Variants in ADAM28 observed in about 807,000 individuals in gnomAD.
ADAM28 encodes disintegrin and metalloproteinase domain-containing protein 28.
ADAM28 carries 105 observed loss-of-function variants against 101.2 expected under a neutral mutation model. The observed-to-expected ratio is 1.04, with a 90% CI of 0.89 to 1.22. The LOEUF is 1.22. Ranked by LOEUF, ADAM28 falls within the 50% of genes most tolerant of loss-of-function variation. The pLI is 0.00. For missense variants in ADAM28, 1,028 were observed against 945.4 expected, an observed-to-expected ratio of 1.09 and a Z score of -1.15; for synonymous variants, 322 against 310.6, an observed-to-expected ratio of 1.04 and a Z score of -0.39.
At chr8:24,305,027 C>T (rs1365094818) in intron 2 of ADAM28, among the ~76,000 whole-genome samples, 1 of 151,830 alleles carries the variant, frequency 6.6e-6, no homozygotes, top group African/African-American at 2.4e-5. Flanking sequence ...AGTTAATAAA[C>T]CTTTATTTTA....
intron 6 of ADAM28, among the ~76,000 whole-genome samples, chr8:24,317,017 T>C (rs7829443): frequency 0.18 from 27,522 of 151,832 alleles, 2,676 homozygotes; most frequent in East Asian, 0.34. Flanking sequence ...AAGACCTGTA[T>C]ACCGAAGACA....
At chr8:24,350,215 T>G (rs1467458832) in intron 19 of ADAM28, among the ~76,000 whole-genome samples, 1 of 152,198 alleles carries the variant, frequency 6.6e-6, no homozygotes, top group Non-Finnish European at 1.5e-5. Flanking sequence ...AAGAGTGATA[T>G]TAACTCTCAT....
At chr8:24,349,659 C>A (rs1563328665) in intron 18 of ADAM28, among the ~76,000 whole-genome samples, 1 of 151,952 alleles carries the variant, frequency 6.6e-6, no homozygotes, top group African/African-American at 2.4e-5. Context: ...TAAATGTTTC[C>A]TATAGATTTC....
At chr8:24,300,651 T>A (rs1238686420) in intron 2 of ADAM28, among the ~76,000 whole-genome samples, 2 of 152,048 alleles carry the variant, frequency 1.3e-5, no homozygotes, top group Admixed American at 6.5e-5. Context: ...CTCCTGACCT[T>A]GTGATCCGCC....
rs143139197 is a variant in ADAM28 at position 24,320,814 on chromosome 8, A to G, written c.649-404A>G. Reference sequence around the variant, plus strand: ...ATTTAAAATGCACATGTGTATGAAAATATAAGTCAACCATTAGCTCAGGCC... The same window carrying G: ...ATTTAAAATGCACATGTGTATGAAAGTATAAGTCAACCATTAGCTCAGGCC... On this transcript the variant is annotated intron_variant, in intron 7 of 22. Transcript: ENST00000265769. Among the ~76,000 whole-genome samples, 847 of 152,126 alleles carry G rather than the reference A, an allele frequency of 5.6e-3. 9 individuals carry two copies. Among genetic ancestry groups the G allele is most frequent in the African/African-American group, 0.02 (812 of 41,538 alleles).
At chr8:24,347,838 G>C (rs62498251) in intron 18 of ADAM28, among the ~76,000 whole-genome samples, 26,505 of 151,918 alleles carry the variant, frequency 0.17, 2,435 homozygotes, top group East Asian at 0.35. Context: ...TAACGTATTT[G>C]TTTTGGTCTG....
Position 24,309,964 on chromosome 8 carries a change from A to G in ADAM28, c.221A>G (p.Lys74Arg). The change falls in exon 3 of 23, where the codon AAA (lysine) becomes AGA (arginine). Residue 74 changes from lysine (K) to arginine (R), a missense_variant. By Grantham distance (26) the Lys-to-Arg change is conservative (BLOSUM62 2). Transcript: ENST00000265769. The stretch of plus-strand genomic sequence containing the variant: ...AAAATTGCAGTGCTTTATTTGAAAA[A>G]AAACAAGTAAGTATCTTTACCTGTG... ...NGKIAVLYLK[K>R]NKNLLAPGYT... is the part of the protein sequence containing the mutation. 1 of 1,560,400 alleles carries G rather than the reference A, an allele frequency of 6.4e-7. No homozygotes were observed.
rs763534887 is a variant in ADAM28, at chr8:24,354,442, A to G, written c.*38A>G. On this transcript the variant is annotated 3_prime_UTR_variant, in exon 23 of 23. Transcript: ENST00000265769. The stretch of plus-strand genomic sequence containing the variant: ...GCAAGAACTAATGGCTAAATTATCA[A>G]CTTGGAAAACTGGAAAATCTGGATG... 1.3e-6 allele frequency: 2 copies of G among 1,594,114 alleles called. No homozygotes were observed. The highest frequency in any genetic ancestry group is 8.5e-7 in the Non-Finnish European group (1 of 1,170,296).
Position 24,299,956 on chromosome 8 carries a change from C to CT in ADAM28, c.47-13dup. On this transcript the variant is annotated splice_polypyrimidine_tract_variant and intron_variant, in intron 1 of 22. Coordinates refer to ENST00000265769, the MANE Select transcript of ADAM28 (RefSeq NM_014265.6). ...TCAGTTCTACCTGGATAAGTCTTTT[C>CT]TTTTTCTTTTTTCTCAGTAAGTGCT... 1 of 1,595,586 alleles carries CT rather than the reference C, an allele frequency of 6.3e-7. No homozygotes were observed. The highest frequency in any genetic ancestry group is 1.3e-5 in the African/African-American group (1 of 74,314).
chr8:24,352,422 G>C (rs1446352873), intron 21 of ADAM28, among the ~76,000 whole-genome samples: 1 of 152,204 alleles, frequency 6.6e-6, no homozygotes, highest in Non-Finnish European at 1.5e-5. Context: ...AGTGTCTGGT[G>C]AAGCGGCCTT....
intron 8 of ADAM28, among the ~76,000 whole-genome samples, chr8:24,322,220 G>A (rs1811972986): frequency 6.6e-6 from 1 of 151,950 alleles, no homozygotes; most frequent in Non-Finnish European, 1.5e-5. Flanking sequence ...GATTGGGGGA[G>A]AAATAAGAGA....
intron 4 of ADAM28, among the ~76,000 whole-genome samples, chr8:24,310,602 C>A (rs1052878237): frequency 1.1e-4 from 16 of 152,086 alleles, no homozygotes; most frequent in African/African-American, 3.9e-4. Flanking sequence ...TCCTCAATGG[C>A]AATTGCAGAA....
intron 1 of ADAM28, 149 bp downstream of exon 1, chr8:24,294,344 CTGT>C: frequency 1.1e-6 from 1 of 923,924 alleles, no homozygotes; most frequent in Non-Finnish European, 1.6e-6. Context: ...TGGTTTTAAC[CTGT>C]TGTTTGGGGG....
intron 8 of ADAM28, among the ~76,000 whole-genome samples, chr8:24,323,292 C>A (rs1317697082): frequency 6.6e-6 from 1 of 151,924 alleles, no homozygotes; most frequent in East Asian, 1.9e-4. Flanking sequence ...AACACCACCA[C>A]CTTGGGAGTT....
intron 8 of ADAM28, among the ~76,000 whole-genome samples, chr8:24,322,137 C>A (rs764699624): frequency 2.6e-5 from 4 of 151,842 alleles, no homozygotes; most frequent in Non-Finnish European, 5.9e-5. Context: ...CCTTTTTATG[C>A]TGATGGGAAT....
rs572410298 is a variant in ADAM28, at chr8:24,313,068, C to T, written c.384-320C>T. On this transcript the variant is annotated intron_variant, in intron 5 of 22. Transcript: ENST00000265769. ...TTTCATTATAAGTGTACCTTTAGAACAAGTATAGCATTAAAATTGGAAGAA... is the reference window on the plus strand; with the variant it reads ...TTTCATTATAAGTGTACCTTTAGAATAAGTATAGCATTAAAATTGGAAGAA... Among the ~76,000 whole-genome samples the T allele has an allele frequency of 5.9e-5, 9 of 152,190 alleles. No individual in the cohort carries two copies. In the South Asian group the frequency reaches 1.9e-3, roughly 32 times the overall value.
chr8:24,305,234 A>T (rs554061973), intron 2 of ADAM28, among the ~76,000 whole-genome samples: 21 of 152,060 alleles, frequency 1.4e-4, no homozygotes, highest in African/African-American at 5.1e-4. Context: ...CCATATTCAT[A>T]TATACACTAA....
intron 10 of ADAM28, 50 bp downstream of exon 10, chr8:24,326,685 CT>C: frequency 6.5e-7 from 1 of 1,540,422 alleles, no homozygotes; most frequent in Non-Finnish European, 8.9e-7. Flanking sequence ...TTATCAAATG[CT>C]TTTTAAAAAA....
intron 22 of ADAM28, among the ~76,000 whole-genome samples, chr8:24,354,105 T>C (rs923343864): frequency 6.6e-6 from 1 of 152,098 alleles, no homozygotes; most frequent in Non-Finnish European, 1.5e-5. Context: ...AAACCTCCCA[T>C]AGAATAATAA....
Sources: allele counts gnomAD v4.1 joint callset (sites outside exome capture counted in the v4.1 genomes callset), GRCh38; gene constraint gnomAD v4.1.1; transcripts MANE v1.5; gene names NCBI Gene and HGNC (gene_info 2026-07-23, HGNC 2026-07-21).